Variants in HS1BP3 observed in about 807,000 individuals in gnomAD.
HS1BP3 encodes HCLS1-binding protein 3.
HS1BP3 carries 32 observed loss-of-function variants against 33.5 expected under a neutral mutation model. The observed-to-expected ratio is 0.95, with a 90% CI of 0.72 to 1.28. The LOEUF (loss-of-function observed/expected upper bound fraction) is 1.28. Among genes scored for constraint, HS1BP3 ranks in the 50% most tolerant of loss-of-function variants. The pLI is 0.00. For missense variants in HS1BP3, 486 were observed against 502.3 expected (o/e 0.97, Z 0.31); for synonymous variants, 187 against 209.2 (o/e 0.89, Z 0.92).
At chr2:20,581,610 A>T (rs968784524) in intron 5 of HS1BP3, among the ~76,000 whole-genome samples, 2 of 152,168 alleles carry the variant, frequency 1.3e-5, no homozygotes, top group African/African-American at 4.8e-5. Flanking sequence ...TCAACCTCCC[A>T]AAGTGCTGGG....
At chr2:20,622,099 G>T in intron 6 of HS1BP3, 1 of 920,260 alleles carries the variant, frequency 1.1e-6, no homozygotes, top group Admixed American at 3.8e-5. Context: ...TCTTAGCCTC[G>T]ACCCGCTCAG....
At chr2:20,616,405 T>C (rs574208013), downstream of HS1BP3, among the ~76,000 whole-genome samples, 2 of 152,264 alleles carry the variant, frequency 1.3e-5, no homozygotes, top group African/African-American at 4.8e-5. Flanking sequence ...TGAAGCTGCA[T>C]CTAAGAACCT....
rs1188009358 is a variant in HS1BP3 at position 20,619,072 on chromosome 2, T to C, written c.1094A>G (p.Gln365Arg). The C allele has an allele frequency of 6.2e-7, 1 of 1,614,210 alleles. No homozygotes were observed. Among genetic ancestry groups the C allele is most frequent in the East Asian group, 2.2e-5 (1 of 44,888 alleles). ...GTCCATCTCGTCCATGGCTTGGATCTGCTCCTGCGGCTTCTGCTGCCCAGC... is the reference window on the plus strand; with the variant it reads ...GTCCATCTCGTCCATGGCTTGGATCCGCTCCTGCGGCTTCTGCTGCCCAGC... ...AVAGQQKPQE[Q>R]IQAMDEMDIL... The change falls in exon 7 of 7, where the codon CAG becomes CGG. Residue 365 changes from glutamine to arginine, a missense_variant. Transcript: ENST00000304031.
At chr2:20,643,369 C>T (rs987018389) in intron 2 of HS1BP3, among the ~76,000 whole-genome samples, 5 of 152,264 alleles carry the variant, frequency 3.3e-5, no homozygotes, top group African/African-American at 7.2e-5. Context: ...CTTCATGCCC[C>T]GCAACATCAA....
At chr2:20,603,653 T>G (rs564974553) in intron 2 of HS1BP3, among the ~76,000 whole-genome samples, 1 of 152,326 alleles carries the variant, frequency 6.6e-6, no homozygotes, top group Admixed American at 6.5e-5. Flanking sequence ...AAATATAAAA[T>G]TGATTGTGGT....
At chr2:20,622,906 C>A (rs752576992) in intron 6 of HS1BP3, 2 of 155,236 alleles carry the variant, frequency 1.3e-5, no homozygotes, top group South Asian at 2.0e-4. Context: ...TCAGGCTTGG[C>A]GGGCACTTGC....
intron 5 of HS1BP3, among the ~76,000 whole-genome samples, chr2:20,571,370 C>A (rs752530105): frequency 6.6e-6 from 1 of 152,190 alleles, no homozygotes; most frequent in Non-Finnish European, 1.5e-5. Flanking sequence ...CCCGGGGCCA[C>A]CCCATGCACC....
In HS1BP3 at chr2:20,611,139, T is replaced by G. The variant is rs1459051143; in HGVS notation, c.178+12757A>C. 1.3e-5 allele frequency among the ~76,000 whole-genome samples: 2 copies of G among 152,266 alleles called. No individual in the cohort carries two copies. The highest frequency in any genetic ancestry group is 2.4e-5 in the African/African-American group (1 of 41,466). On this transcript the variant is annotated intron_variant, in intron 2 of 3. Coordinates refer to the HS1BP3 transcript ENST00000415264. The surrounding 1 kb of genome is among the most constrained non-coding windows in gnomAD (Gnocchi z 4.9). ...TGTCTGTTAGAGGGTTTTTCCTTTT[T>G]GACGCTGCACAGCATTCCGCTGCAT...
chr2:20,562,819 CGTCT>C (rs1402406847), intron 5 of HS1BP3, among the ~76,000 whole-genome samples: 1 of 152,162 alleles, frequency 6.6e-6, no homozygotes, highest in Admixed American at 6.5e-5. Flanking sequence ...AACTCGCACA[CGTCT>C]GGTGTTGGAA....
intron 3 of HS1BP3, among the ~76,000 whole-genome samples, chr2:20,593,100 C>G (rs1000486559): frequency 6.6e-6 from 1 of 151,996 alleles, no homozygotes; most frequent in Admixed American, 6.6e-5. Flanking sequence ...CACTGTCCCC[C>G]CAGCACACCA....
downstream of HS1BP3, among the ~76,000 whole-genome samples, chr2:20,559,507 T>G (rs1572281442): frequency 6.7e-6 from 1 of 148,328 alleles, no homozygotes; most frequent in South Asian, 2.1e-4. Flanking sequence ...AATGGATGGA[T>G]GGGTAGATGG....
At chr2:20,650,416 C>T (rs2149306321) in intron 1 of HS1BP3, among the ~76,000 whole-genome samples, 1 of 152,356 alleles carries the variant, frequency 6.6e-6, no homozygotes, top group East Asian at 1.9e-4. Context: ...CTGCATCCTC[C>T]GCCTGGACCC....
chr2:20,578,238 TGTGGCTCCTAA>T (rs1310726340), intron 5 of HS1BP3, among the ~76,000 whole-genome samples: 1 of 152,204 alleles, frequency 6.6e-6, no homozygotes, highest in Non-Finnish European at 1.5e-5. Flanking sequence ...GCGTCCTACC[TGTGGCTCCTAA>T]GTGGCTCCAG....
intron 5 of HS1BP3, among the ~76,000 whole-genome samples, chr2:20,564,390 G>C (rs953183985): frequency 1.3e-5 from 2 of 152,236 alleles, no homozygotes; most frequent in Non-Finnish European, 1.5e-5. Flanking sequence ...AGGGCTGCTG[G>C]TGACCAGCCA....
At chr2:20,555,366 G>A in the HS1BP3 span, among the ~76,000 whole-genome samples, 1 of 152,210 alleles carries the variant, frequency 6.6e-6, no homozygotes, top group Non-Finnish European at 1.5e-5. Context: ...AAACTGTGGG[G>A]TCCTTGTTCA....
At chr2:20,597,812 G>A (rs183791437) in intron 3 of HS1BP3, among the ~76,000 whole-genome samples, 4 of 152,330 alleles carry the variant, frequency 2.6e-5, no homozygotes, top group Non-Finnish European at 5.9e-5. Flanking sequence ...AAGGAAAGAA[G>A]ACCTGCTTCC....
At chr2:20,646,602 G>A (rs997632523) in intron 1 of HS1BP3, among the ~76,000 whole-genome samples, 7 of 152,268 alleles carry the variant, frequency 4.6e-5, no homozygotes, top group African/African-American at 1.4e-4. Flanking sequence ...CTCCCGCGGC[G>A]TAGGGCACCC....
At chr2:20,647,393 G>C (rs1314616753) in intron 1 of HS1BP3, among the ~76,000 whole-genome samples, 1 of 152,212 alleles carries the variant, frequency 6.6e-6, no homozygotes, top group African/African-American at 2.4e-5. Context: ...CGTGACTGGG[G>C]ACAGACATGG....
At chr2:20,622,508 C>T (rs560221325) in intron 6 of HS1BP3, 11 of 366,044 alleles carry the variant, frequency 3.0e-5, no homozygotes, top group Admixed American at 1.4e-4. Context: ...GGTGCTGGCC[C>T]GCGCACTACG....
Sources: allele counts gnomAD v4.1 joint callset (sites outside exome capture counted in the v4.1 genomes callset), GRCh38; gene constraint gnomAD v4.1.1; non-coding constraint Gnocchi (gnomAD v3.1); transcripts MANE v1.5; gene names NCBI Gene and HGNC (gene_info 2026-07-23, HGNC 2026-07-21).